MYBPH: variants seen among roughly 807,000 people sequenced by gnomAD.
MYBPH encodes myosin-binding protein H.
In MYBPH, 49 loss-of-function variants were observed where a neutral mutation model predicts 53.6. The observed-to-expected ratio is 0.91, with a 90% CI of 0.73 to 1.16. The LOEUF is 1.16. Ranked by LOEUF, MYBPH falls within the 50% of genes most tolerant of loss-of-function variation. The probability of loss-of-function intolerance (pLI) is 0.00; values close to 1 mark genes in which losing one functional copy is unlikely to be tolerated. For missense variants in MYBPH, 558 were observed against 624.1 expected (o/e 0.89, Z 1.13); for synonymous variants, 239 against 249.6 (o/e 0.96, Z 0.40).
chr1:203,178,308 A>C (rs1453028438), upstream of MYBPH, among the ~76,000 whole-genome samples: 1 of 152,182 alleles, frequency 6.6e-6, no homozygotes, highest in African/African-American at 2.4e-5. Flanking sequence ...GATGAGTGTT[A>C]GGGGAGGGGT....
chr1:203,175,235 A>T, intron 2 of MYBPH, 92 bp downstream of exon 2: 1 of 1,460,410 alleles, frequency 6.8e-7, no homozygotes, highest in Non-Finnish European at 9.1e-7. Flanking sequence ...TATCTCTCCC[A>T]GACTGACCAA....
chr1:203,168,328 G>A (rs566207325), intron 10 of MYBPH, among the ~76,000 whole-genome samples: 8 of 152,310 alleles, frequency 5.3e-5, no homozygotes, highest in Admixed American at 2.6e-4. Context: ...CCCAGTTTTC[G>A]GATGAGAGAA....
chr1:203,178,587 G>T (rs183425342), upstream of MYBPH, among the ~76,000 whole-genome samples: 83 of 152,372 alleles, frequency 5.4e-4, no homozygotes, highest in Non-Finnish European at 8.8e-5. Flanking sequence ...TGGATCAGAA[G>T]AGAGGGAGTG....
At chr1:203,170,127 G>T (rs556786203) in intron 7 of MYBPH, among the ~76,000 whole-genome samples, 164 bp downstream of exon 7, 2 of 152,314 alleles carry the variant, frequency 1.3e-5, no homozygotes, top group South Asian at 4.1e-4. Flanking sequence ...TCACTACTTT[G>T]CAGCCACTCC....
rs528442141 is a variant in MYBPH at position 203,174,968 on chromosome 1, G to A, written c.340+359C>T. 3.9e-5 allele frequency among the ~76,000 whole-genome samples: 6 copies of A among 151,962 alleles called. No homozygotes were observed. In the South Asian group the frequency reaches 1.3e-3, roughly 32 times the overall value. ...CCGCTTTCTCCTCACTGTCTCTTACGCTAACATTCCCCTCTCCAGCTCCTC... is the reference window on the plus strand; with the variant it reads ...CCGCTTTCTCCTCACTGTCTCTTACACTAACATTCCCCTCTCCAGCTCCTC... On this transcript the variant is annotated intron_variant, in intron 2 of 10. Transcript: ENST00000255416.
At position 203,169,037 on chromosome 1, in the gene MYBPH, C is replaced by A. The variant is rs750570762; in HGVS notation, c.1286G>T (p.Arg429Leu). 1.2e-6 allele frequency: 2 copies of A among 1,613,906 alleles called. No homozygotes were observed. The highest frequency in any genetic ancestry group is 8.5e-7 in the Non-Finnish European group (1 of 1,180,040). ...GCAGACGCCTTGCTCAGAGAGGGCGCGGTATTTGGGGTTGCCCTGGATCTC... is the reference window on the plus strand; with the variant it reads ...GCAGACGCCTTGCTCAGAGAGGGCGAGGTATTTGGGGTTGCCCTGGATCTC... ...KMEIQGNPKY[R>L]ALSEQGVCTL... Residue 429 changes from arginine (R) to leucine (L), a missense_variant, in exon 9 of 11, where the codon CGC becomes CTC. Physicochemically the swap from Arg to Leu is moderately radical, Grantham distance 102. Coordinates refer to ENST00000255416, the MANE Select transcript of MYBPH (RefSeq NM_004997.3).
chr1:203,172,730 C>A (rs1395901699), intron 3 of MYBPH, among the ~76,000 whole-genome samples: 2 of 152,216 alleles, frequency 1.3e-5, no homozygotes, highest in Non-Finnish European at 2.9e-5. Context: ...TGGTCAGGGG[C>A]AACCACTGAA....
rs899331775 is a variant in MYBPH, at chr1:203,171,007, C to T, written c.933+54G>A. 1 of 1,523,080 alleles carries T rather than the reference C, an allele frequency of 6.6e-7. No individual in the cohort carries two copies. 94.3% of individuals were successfully genotyped at this position (1,523,080 alleles called of 1,614,324 possible). ...CTAGACTCAGTGGGATGGGCCTTCC[C>T]CACCACCTTGACCACTTCGTACCCC... On this transcript the variant is annotated intron_variant, in intron 6 of 10. Transcript: ENST00000255416. This position sits in a 1 kb window ranked among gnomAD's most constrained non-coding sequence, Gnocchi z 4.2.
At chr1:203,173,903 T>C (rs1486491504) in intron 3 of MYBPH, among the ~76,000 whole-genome samples, 3 of 152,268 alleles carry the variant, frequency 2.0e-5, no homozygotes, top group African/African-American at 7.2e-5. Flanking sequence ...GCAGCTGGCC[T>C]GCGGGGCCCC....
rs1655758076 is a variant in MYBPH, at chr1:203,174,423, G to A, written c.508+7C>T. The A allele has an allele frequency of 6.3e-7, 1 of 1,577,574 alleles. No homozygotes were observed. The highest frequency in any genetic ancestry group is 1.7e-5 in the Admixed American group (1 of 57,768). ...GCTGGGTAGCTGAAGGCCAGGATGGGCTTTACCAATGTTCTCTCGGATGTG... is the reference window on the plus strand; with the variant it reads ...GCTGGGTAGCTGAAGGCCAGGATGGACTTTACCAATGTTCTCTCGGATGTG... On this transcript the variant is annotated splice_region_variant and intron_variant, in intron 3 of 10. Coordinates refer to ENST00000255416, the MANE Select transcript of MYBPH (RefSeq NM_004997.3).
chr1:203,169,665 TG>T (rs1350342382), intron 7 of MYBPH, among the ~76,000 whole-genome samples: 1 of 152,168 alleles, frequency 6.6e-6, no homozygotes, highest in Non-Finnish European at 1.5e-5. Context: ...GGTTTGTCGT[TG>T]GAGACTTGAC....
Position 203,170,380 on chromosome 1 carries a change from G to C in MYBPH, c.1004C>G (p.Ser335Trp), listed in dbSNP as rs973536905. 6.8e-6 allele frequency: 11 copies of C among 1,614,070 alleles called. No homozygotes were observed. Among genetic ancestry groups the C allele is most frequent in the Non-Finnish European group, 9.3e-6 (11 of 1,180,028 alleles). The change falls in exon 7 of 11, where the codon TCG (serine) becomes TGG (tryptophan). Residue 335 changes from serine to tryptophan, a missense_variant. Coordinates refer to ENST00000255416, the MANE Select transcript of MYBPH (RefSeq NM_004997.3). Reference sequence around the variant, plus strand: ...TTCTGAGAAGACCCGGAAGGAGTACGAGTTGCCGATGATGAGGTCAGAGAT... The same window carrying C: ...TTCTGAGAAGACCCGGAAGGAGTACCAGTTGCCGATGATGAGGTCAGAGAT... ...CTISDLIIGN[S>W]YSFRVFSENL...
At chr1:203,169,921 C>T (rs1655663564) in intron 7 of MYBPH, among the ~76,000 whole-genome samples, 1 of 152,162 alleles carries the variant, frequency 6.6e-6, no homozygotes, top group Non-Finnish European at 1.5e-5. Context: ...GGTTGGGAGG[C>T]TTGTTTTAGC....
Position 203,171,564 on chromosome 1 carries a change from A to C in MYBPH, c.612T>G (p.Pro204=), listed in dbSNP as rs769565587. The change falls in exon 5 of 11, where the codon CCT becomes CCG. Residue 204 remains proline (P), a synonymous_variant. Coordinates refer to ENST00000255416, the MANE Select transcript of MYBPH (RefSeq NM_004997.3). This position sits in a 1 kb window ranked among gnomAD's most constrained non-coding sequence, Gnocchi z 4.2. ...LQIPFQGKPK[P]QATWTHNGHA... is the part of the protein sequence containing the mutation. The stretch of plus-strand genomic sequence containing the variant: ...GGCCGTTGTGGGTCCATGTGGCCTG[A>C]GGCTTAGGCTTCCCCTGGCAGGGAG... 2.3e-5 allele frequency: 37 copies of C among 1,611,984 alleles called. No individual in the cohort carries two copies. Among genetic ancestry groups the C allele is most frequent in the Non-Finnish European group, 3.0e-5 (35 of 1,179,642 alleles).
chr1:203,168,954 T>C lies in MYBPH; in HGVS notation c.1369A>G (p.Ile457Val). ...ACAGATGCCTCCCCCAGCACATTTA[T>C]GGCCTTGCAGGTGTAGACCCCAGAA... ...FDSGVYTCKAINVLGEASVDC... is the reference protein window; with the variant it reads ...FDSGVYTCKAVNVLGEASVDC... The change falls in exon 9 of 11, where the codon ATA becomes GTA. Residue 457 changes from isoleucine to valine, a missense_variant. Ile to Val is a conservative substitution (Grantham distance 29, BLOSUM62 3). Transcript: ENST00000255416. The C allele has an allele frequency of 6.2e-7, 1 of 1,614,082 alleles. No individual in the cohort carries two copies. Among genetic ancestry groups the C allele is most frequent in the Non-Finnish European group, 8.5e-7 (1 of 1,180,036 alleles).
chr1:203,174,886 G>C (rs1655769358), intron 2 of MYBPH, among the ~76,000 whole-genome samples: 1 of 152,104 alleles, frequency 6.6e-6, no homozygotes. Context: ...GCTGGACTTG[G>C]GCCATGGAGG....
chr1:203,170,716 G>A (rs1256887686), intron 6 of MYBPH, among the ~76,000 whole-genome samples: 2 of 152,164 alleles, frequency 1.3e-5, no homozygotes, highest in Non-Finnish European at 2.9e-5. Flanking sequence ...ACCTGGAAAC[G>A]TCTTAGAAAT....
At chr1:203,176,658 C>T (rs1655816403), upstream of MYBPH, among the ~76,000 whole-genome samples, 1 of 152,102 alleles carries the variant, frequency 6.6e-6, no homozygotes, top group Admixed American at 6.5e-5. Context: ...GCAGATATGG[C>T]CAGATTTCTA....
upstream of MYBPH, among the ~76,000 whole-genome samples, chr1:203,178,148 T>C (rs542372123): frequency 1.3e-4 from 20 of 152,306 alleles, no homozygotes; most frequent in African/African-American, 4.8e-4. Flanking sequence ...CCTGGGGCCC[T>C]GGGAATTCAA....
Sources: gnomAD v4.1 joint callset for allele counts (sites outside exome capture counted in the v4.1 genomes callset) on GRCh38, gnomAD v4.1.1 for gene constraint, Gnocchi (gnomAD v3.1) non-coding constraint, MANE v1.5 for transcripts, NCBI Gene and HGNC (gene_info 2026-07-23, HGNC 2026-07-21) for gene names.